The following CD109 variants were observed in gnomAD, a reference collection of about 807,000 sequenced individuals.
The protein encoded by CD109 is CD109 antigen.
Under a neutral mutation model 165.8 loss-of-function variants are expected in CD109, and 149 were observed. That is an observed-to-expected ratio of 0.90 (90% confidence interval 0.79 to 1.03). CD109 has a LOEUF of 1.03. CD109 is among the 50% of genes least tolerant of loss of function. The pLI is 0.00. For synonymous variants in CD109, 585 were observed against 592.1 expected (o/e 0.99, Z 0.18); for missense variants, 1,712 against 1,677.8 (o/e 1.02, Z -0.36).
chr6:73,803,303 T>C lies in CD109; in HGVS notation c.2960+2T>C, dbSNP rs1321616902. ...TTATGACCCTTCTGGGAGCACTTGG[T>C]AAGTGTTTTTGCCAACTGAACAAAT... On this transcript the variant is annotated splice_donor_variant, in intron 24 of 32. Coordinates refer to ENST00000287097, the MANE Select transcript of CD109 (RefSeq NM_133493.5). LOFTEE classifies it high-confidence loss of function. 1.2e-6 allele frequency: 2 copies of C among 1,610,244 alleles called. No individual in the cohort carries two copies. Among genetic ancestry groups the C allele is most frequent in the South Asian group, 1.1e-5 (1 of 90,214 alleles).
chr6:73,718,055 A>G (rs1771811194), intron 2 of CD109, among the ~76,000 whole-genome samples: 1 of 151,124 alleles, frequency 6.6e-6, no homozygotes, highest in South Asian at 2.2e-4. Context: ...CATGCCTGTA[A>G]TCCCAGCACT....
At chr6:73,703,908 G>A (rs769022896) in intron 2 of CD109, among the ~76,000 whole-genome samples, 2 of 152,156 alleles carry the variant, frequency 1.3e-5, no homozygotes, top group African/African-American at 2.4e-5. Context: ...ATCTCAGCTG[G>A]GTGTGGTGGC....
At chr6:73,802,964 C>T (rs1973483) in intron 23 of CD109, among the ~76,000 whole-genome samples, 82,248 of 151,872 alleles carry the variant, frequency 0.54, 22,781 homozygotes, top group African/African-American at 0.66. Context: ...CCTCCCAAAG[C>T]GCTGGGATTA....
intron 23 of CD109, among the ~76,000 whole-genome samples, chr6:73,794,531 A>G (rs1422311884): frequency 4.6e-5 from 7 of 152,184 alleles, no homozygotes; most frequent in African/African-American, 7.2e-5. Flanking sequence ...GTTGGGTTTA[A>G]GTAGATGAGC....
chr6:73,689,628 T>A, the CD109 span, among the ~76,000 whole-genome samples: 1 of 151,942 alleles, frequency 6.6e-6, no homozygotes, highest in African/African-American at 2.4e-5. Flanking sequence ...TAGACACATT[T>A]TTTTTTTTTA....
chr6:73,696,307 CGGG>C lies in CD109; in HGVS notation c.74+22_74+24del. The C allele has an allele frequency of 7.1e-7, 1 of 1,413,216 alleles. No homozygotes were observed. The allele number at this position is 1,413,216 out of a possible 1,614,324, so 87.5% of individuals were successfully genotyped here. A position where few individuals can be genotyped will look rare whatever the true frequency, so the allele number is the denominator to read the frequency against. On this transcript the variant is annotated intron_variant, in intron 1 of 32. Coordinates refer to ENST00000287097, the MANE Select transcript of CD109 (RefSeq NM_133493.5). Reference sequence around the variant, plus strand: ...GCTCCCGGGTAGGAACGTGGGCGCGCGGGGGGCGCGCGGGCGCGCGGGCCTGGG... The same window carrying C: ...GCTCCCGGGTAGGAACGTGGGCGCGCGGGCGCGCGGGCGCGCGGGCCTGGG...
chr6:73,753,738 G>A (rs182840855), intron 5 of CD109, among the ~76,000 whole-genome samples: 133 of 152,284 alleles, frequency 8.7e-4, no homozygotes, highest in African/African-American at 3.1e-3. Context: ...TCCTTAAAGG[G>A]CAGAGTTAAG....
At chr6:73,685,012 G>A in the CD109 span, among the ~76,000 whole-genome samples, 8 of 151,536 alleles carry the variant, frequency 5.3e-5, no homozygotes, top group Admixed American at 3.9e-4. Context: ...CACCTCCCAG[G>A]TTCAAGTGAT....
In CD109 at chr6:73,696,742, C is replaced by G. The variant is rs1490984040; in HGVS notation, c.74+453C>G. Among the ~76,000 whole-genome samples, 6 of 152,290 alleles carry G rather than the reference C, an allele frequency of 3.9e-5. No individual in the cohort carries two copies. The East Asian group carries it at 1.2e-3, about 29-fold the overall frequency. On this transcript the variant is annotated intron_variant, in intron 1 of 32. Coordinates refer to ENST00000287097, the MANE Select transcript of CD109 (RefSeq NM_133493.5). ...AGACATTATAGGAAGAAAACAACAG[C>G]ACCCAATAATGGCAAGCCCCATTCA...
Position 73,824,227 on chromosome 6 carries a change from C to T in CD109, c.*594C>T, listed in dbSNP as rs556743299. ...TTTTTCTGCTTGAAATCTGATCACA[C>T]CCCCCAGCCATTGCCCTCCCTCTCT... On this transcript the variant is annotated 3_prime_UTR_variant, in exon 33 of 33. Transcript: ENST00000287097. 6.6e-5 allele frequency: 10 copies of T among 152,074 alleles called. No homozygotes were observed. The highest frequency in any genetic ancestry group is 2.2e-4 in the African/African-American group (9 of 41,436). The allele number at this position is 152,074 out of a possible 1,614,324, so 9.4% of individuals were successfully genotyped here.
At chr6:73,818,597 A>G (rs1776016959) in intron 31 of CD109, 62 bp downstream of exon 31, 2 of 1,469,472 alleles carry the variant, frequency 1.4e-6, no homozygotes, top group African/African-American at 1.4e-5. Context: ...TCAGGTGTCT[A>G]CCTTACTTTA....
At chr6:73,682,340 T>A in the CD109 span, among the ~76,000 whole-genome samples, 1 of 152,206 alleles carries the variant, frequency 6.6e-6, no homozygotes, top group Non-Finnish European at 1.5e-5. Flanking sequence ...ACACGTCCCA[T>A]GCAAGTCCAA....
At chr6:73,800,024 T>A (rs1371165390) in intron 23 of CD109, among the ~76,000 whole-genome samples, 1 of 152,018 alleles carries the variant, frequency 6.6e-6, no homozygotes, top group Non-Finnish European at 1.5e-5. Context: ...GCTAATTTTT[T>A]TTTTGTATTT....
chr6:73,680,022 A>G, the CD109 span, among the ~76,000 whole-genome samples: 7 of 152,202 alleles, frequency 4.6e-5, no homozygotes, highest in Admixed American at 6.6e-5. Context: ...AAATAAAACT[A>G]TATGTGGCTG....
At chr6:73,816,731 T>A (rs1293291692) in intron 30 of CD109, among the ~76,000 whole-genome samples, 1 of 152,034 alleles carries the variant, frequency 6.6e-6, no homozygotes, top group Non-Finnish European at 1.5e-5. Flanking sequence ...ATGGAAACAA[T>A]CCCCTAAGCA....
chr6:73,709,282 G>C (rs1420027679), intron 2 of CD109, among the ~76,000 whole-genome samples: 1 of 152,110 alleles, frequency 6.6e-6, no homozygotes, highest in Non-Finnish European at 1.5e-5. Flanking sequence ...TCTTGTTTGT[G>C]TCAGGTTTGT....
rs917765860 is a variant in CD109 at position 73,727,950 on chromosome 6, C to G, written c.277-2394C>G. On this transcript the variant is annotated intron_variant, in intron 3 of 32. Coordinates refer to ENST00000287097, the MANE Select transcript of CD109 (RefSeq NM_133493.5). ...TGCAAGTTCCAGGCTAGACTCTGCT[C>G]TACCAGGGCACAGGTCTTTGGTTCA... is the stretch of plus-strand genomic sequence containing the variant. Among the ~76,000 whole-genome samples, 5 of 152,254 alleles carry G rather than the reference C, an allele frequency of 3.3e-5. 1 individual carries two copies. The highest frequency in any genetic ancestry group is 4.1e-4 in the South Asian group (2 of 4,822).
intron 10 of CD109, 134 bp from the exon 11 acceptor site, chr6:73,765,796 C>T (rs2150228541): frequency 1.6e-6 from 1 of 639,896 alleles, no homozygotes; most frequent in East Asian, 2.7e-5. Flanking sequence ...TAGAGAGAGG[C>T]CACTGAATCT....
intron 2 of CD109, among the ~76,000 whole-genome samples, chr6:73,716,713 T>C (rs1390526301): frequency 1.3e-5 from 2 of 152,244 alleles, no homozygotes; most frequent in Non-Finnish European, 2.9e-5. Context: ...ACAAAGATTT[T>C]CTCTCATTCT....
Sources: gnomAD v4.1 joint callset for allele counts (sites outside exome capture counted in the v4.1 genomes callset) on GRCh38, gnomAD v4.1.1 for gene constraint, MANE v1.5 for transcripts, NCBI Gene and HGNC (gene_info 2026-07-23, HGNC 2026-07-21) for gene names.